Variants in FARP1 observed in about 807,000 individuals in gnomAD.
FARP1 encodes the protein FERM, ARHGEF and pleckstrin domain-containing protein 1.
FARP1 carries 52 observed loss-of-function variants against 128.8 expected under a neutral mutation model. The observed-to-expected ratio is 0.40, with a 90% CI of 0.32 to 0.51. FARP1 has a LOEUF of 0.51. Among genes scored for constraint, FARP1 ranks in the 20% least tolerant of loss-of-function variants. FARP1 has a pLI of 0.45. For missense variants in FARP1, 1,333 were observed against 1,367.9 expected, an observed-to-expected ratio of 0.97 and a Z score of 0.40; for synonymous variants, 580 against 551.8, an observed-to-expected ratio of 1.05 and a Z score of -0.72.
intron 2 of FARP1, among the ~76,000 whole-genome samples, chr13:98,232,165 T>TTTTTTTTTTTG (rs1882167243): frequency 6.7e-6 from 1 of 148,838 alleles, no homozygotes; most frequent in African/African-American, 2.5e-5. Flanking sequence ...TTTTTTTTTT[T>TTTTTTTTTTTG]TGCTTAACTA....
upstream of FARP1, among the ~76,000 whole-genome samples, chr13:98,142,940 G>C (rs1318092318): frequency 6.6e-6 from 1 of 150,612 alleles, no homozygotes; most frequent in South Asian, 2.1e-4. Context: ...GCACCTGCCC[G>C]GGCGGAGCGG....
intron 2 of FARP1, among the ~76,000 whole-genome samples, chr13:98,272,621 T>C (rs11620526): frequency 0.033 from 5,014 of 152,198 alleles, 106 homozygotes; most frequent in African/African-American, 0.043. Flanking sequence ...CTAAAATCAG[T>C]TGGTAGTGGC....
intron 26 of FARP1, chr13:98,447,925 C>T: frequency 2.4e-6 from 1 of 408,310 alleles, no homozygotes; most frequent in Non-Finnish European, 4.4e-6. Flanking sequence ...TCTGCCATGT[C>T]CATGAAAATA....
rs1456118252 is a variant in FARP1 at position 98,426,650 on chromosome 13, GT to G, written c.1905+2001del. On this transcript the variant is annotated intron_variant, in intron 17 of 26. Transcript: ENST00000319562. ...ACGGTAACATTGACTGGATCCTGAGGTATTGTTTTGTTTTTTCACTGTGTTC... is the reference window on the plus strand; with the variant it reads ...ACGGTAACATTGACTGGATCCTGAGGATTGTTTTGTTTTTTCACTGTGTTC... Among the ~76,000 whole-genome samples the G allele has an allele frequency of 7.9e-5, 12 of 152,290 alleles. No homozygotes were observed. The East Asian group carries it at 2.3e-3, about 29-fold the overall frequency.
At chr13:98,444,791 A>G (rs956050984) in intron 24 of FARP1, among the ~76,000 whole-genome samples, 2 of 152,216 alleles carry the variant, frequency 1.3e-5, no homozygotes, top group African/African-American at 2.4e-5. Flanking sequence ...TGTGAAAATT[A>G]TGTGAGTCAG....
intron 2 of FARP1, among the ~76,000 whole-genome samples, chr13:98,232,145 GTTT>G (rs59209045): frequency 1.9e-5 from 2 of 105,784 alleles, no homozygotes; most frequent in Non-Finnish European, 3.7e-5. Context: ...TGTTTGGTTG[GTTT>G]TTTTTTTTTT....
rs145689386 is a variant in FARP1, at chr13:98,431,167, C to G, written c.2030C>G (p.Pro677Arg). 10 of 1,613,688 alleles carry G rather than the reference C, an allele frequency of 6.2e-6. No individual in the cohort carries two copies. The East Asian group carries it at 2.0e-4, about 32-fold the overall frequency. Residue 677 changes from proline to arginine, a missense_variant, in exon 18 of 27, where the codon CCG becomes CGG. Physicochemically the swap from Pro to Arg is moderately radical, Grantham distance 103. Coordinates refer to ENST00000319562, the MANE Select transcript of FARP1 (RefSeq NM_005766.4). ...DFELQKVCYLPLNTFLLRPLH... is the reference protein window; with the variant it reads ...DFELQKVCYLRLNTFLLRPLH... ...GAGCTGCAGAAGGTGTGTTACCTAC[C>G]GCTCAACACCTTCCTCCTGCGGCCA...
chr13:98,322,514 C>T (rs762395859), intron 2 of FARP1, among the ~76,000 whole-genome samples: 2 of 152,208 alleles, frequency 1.3e-5, no homozygotes, highest in African/African-American at 4.8e-5. Context: ...GCAAGAGCCA[C>T]CATGCTGCAC....
In FARP1 at chr13:98,252,847, A is replaced by C. The variant is rs555829224; in HGVS notation, c.171+39434A>C. ...CCAGTGAGCCCCGGTGATCATGTAT[A>C]CTTCAGAGGAAAATATATCTGCCTC... On this transcript the variant is annotated intron_variant, in intron 2 of 26. Coordinates refer to ENST00000319562, the MANE Select transcript of FARP1 (RefSeq NM_005766.4). Among the ~76,000 whole-genome samples, 4 of 152,372 alleles carry C rather than the reference A, an allele frequency of 2.6e-5. No homozygotes were observed. The East Asian group carries it at 7.7e-4, about 29-fold the overall frequency.
chr13:98,210,331 C>G (rs1249518643), intron 1 of FARP1, among the ~76,000 whole-genome samples: 1 of 151,880 alleles, frequency 6.6e-6, no homozygotes, highest in Non-Finnish European at 1.5e-5. Context: ...TTTGGTTATA[C>G]ATTCACCTCC....
At chr13:98,414,504 C>T (rs1891305687) in intron 16 of FARP1, among the ~76,000 whole-genome samples, 1 of 152,130 alleles carries the variant, frequency 6.6e-6, no homozygotes, top group Admixed American at 6.5e-5. Context: ...GAGCCATAGA[C>T]CAACACAGAG....
At chr13:98,243,196 A>G (rs921019909) in intron 2 of FARP1, among the ~76,000 whole-genome samples, 4 of 152,180 alleles carry the variant, frequency 2.6e-5, no homozygotes, top group Non-Finnish European at 2.9e-5. Flanking sequence ...AATATTGGGA[A>G]GATGTTGATT....
rs141384853 is a variant in FARP1, at chr13:98,166,778, A to G, written c.-24+23286A>G. On this transcript the variant is annotated intron_variant, in intron 1 of 26. Coordinates refer to ENST00000319562, the MANE Select transcript of FARP1 (RefSeq NM_005766.4). ...CGTTCTGTCACTGTGGCTGAAGTGC[A>G]GTGTCGTGATCATGGTTCACTGCAG... Among the ~76,000 whole-genome samples the G allele has an allele frequency of 8.1e-5, 12 of 148,886 alleles. No individual in the cohort carries two copies. In the East Asian group the frequency reaches 2.4e-3, roughly 29 times the overall value.
chr13:98,449,048 T>TGTCA lies in FARP1; in HGVS notation c.*732_*735dup, dbSNP rs1418185826. On this transcript the variant is annotated 3_prime_UTR_variant, in exon 27 of 27. Transcript: ENST00000319562. The stretch of plus-strand genomic sequence containing the variant: ...CCGAGATCCAGTGCAATACCTGGAC[T>TGTCA]GTCACCGTCCTGTGAGTGGTGTACA... The TGTCA allele has an allele frequency of 6.6e-6, 1 of 152,234 alleles. No homozygotes were observed. The highest frequency in any genetic ancestry group is 2.4e-5 in the African/African-American group (1 of 41,446). The allele number at this position is 152,234 out of a possible 1,614,324, so 9.4% of individuals were successfully genotyped here.
chr13:98,388,327 C>T, intron 8 of FARP1, 56 bp from the exon 9 acceptor site: 1 of 1,363,838 alleles, frequency 7.3e-7, no homozygotes, highest in Non-Finnish European at 1.0e-6. Flanking sequence ...AACAGACCAA[C>T]TCCCAAGTTG....
intron 1 of FARP1, among the ~76,000 whole-genome samples, chr13:98,163,746 T>C (rs1169335133): frequency 6.6e-6 from 1 of 151,578 alleles, no homozygotes; most frequent in Non-Finnish European, 1.5e-5. Context: ...TTCGCTCTTG[T>C]CGCCCAGGCT....
At chr13:98,369,487 G>C (rs1194482405) in intron 5 of FARP1, among the ~76,000 whole-genome samples, 2 of 151,366 alleles carry the variant, frequency 1.3e-5, no homozygotes, top group African/African-American at 4.9e-5. Context: ...TTAGCATTAG[G>C]TATATCTCCT....
intron 1 of FARP1, among the ~76,000 whole-genome samples, chr13:98,174,935 C>T (rs1404477462): frequency 1.3e-5 from 2 of 152,108 alleles, no homozygotes; most frequent in African/African-American, 2.4e-5. Flanking sequence ...TGCCCTCAAC[C>T]ACGGCTCTGC....
chr13:98,173,549 G>A (rs1275656626), intron 1 of FARP1, among the ~76,000 whole-genome samples: 1 of 152,210 alleles, frequency 6.6e-6, no homozygotes, highest in Non-Finnish European at 1.5e-5. Context: ...AGAGGGAATG[G>A]AGCTGCCTCC....
Sources: allele counts gnomAD v4.1 joint callset (sites outside exome capture counted in the v4.1 genomes callset), GRCh38; gene constraint gnomAD v4.1.1; transcripts MANE v1.5; gene names NCBI Gene and HGNC (gene_info 2026-07-23, HGNC 2026-07-21).